ATAD5: variants seen among roughly 807,000 people sequenced by gnomAD.
The protein encoded by ATAD5 is ATPase family AAA domain-containing protein 5.
Under a neutral mutation model 176.9 loss-of-function variants are expected in ATAD5, and 58 were observed. The observed-to-expected ratio is 0.33, with a 90% CI of 0.27 to 0.41. The LOEUF is 0.41. Ranked by LOEUF, ATAD5 falls within the 10% of genes least tolerant of loss-of-function variation. ATAD5 has a pLI of 1.00. For synonymous variants in ATAD5, 640 were observed against 712.6 expected, an observed-to-expected ratio of 0.90 and a Z score of 1.62; for missense variants, 1,789 against 2,094.1, an observed-to-expected ratio of 0.85 and a Z score of 2.84.
At chr17:30,873,002 T>C (rs953264111) in intron 14 of ATAD5, among the ~76,000 whole-genome samples, 6 of 152,158 alleles carry the variant, frequency 3.9e-5, no homozygotes, top group African/African-American at 1.4e-4. Context: ...CTGTCCATTG[T>C]TGCATCATGA....
intron 18 of ATAD5, among the ~76,000 whole-genome samples, chr17:30,885,623 C>CTTTTTTTTTTTTTT (rs778733612): frequency 6.4e-5 from 6 of 93,810 alleles, no homozygotes; most frequent in Non-Finnish European, 8.1e-5. Context: ...TTCCAACTTT[C>CTTTTTTTTTTTTTT]TTTTTTTTTT....
chr17:30,846,754 C>T (rs1442651661), intron 6 of ATAD5, among the ~76,000 whole-genome samples: 1 of 143,624 alleles, frequency 7.0e-6, no homozygotes, highest in Non-Finnish European at 1.5e-5. Flanking sequence ...GAGTTTCGCT[C>T]TTGTTGCCCA....
Position 30,871,680 on chromosome 17 carries a change from A to G in ATAD5, c.3607+2034A>G, listed in dbSNP as rs184038154. Among the ~76,000 whole-genome samples, 298 of 151,996 alleles carry G rather than the reference A, an allele frequency of 2.0e-3. 1 individual carries two copies. Among genetic ancestry groups the G allele is most frequent in the Middle Eastern group, 0.01 (3 of 294 alleles). On this transcript the variant is annotated intron_variant, in intron 14 of 22. Transcript: ENST00000321990. ...GTGTCATTTCTGAGTTGTTTTTTCA[A>G]TTGATTGATTATTCCCTCTTTCATT...
At chr17:30,887,152 G>T in intron 18 of ATAD5, 40 bp from the exon 19 acceptor site, 1 of 1,491,964 alleles carries the variant, frequency 6.7e-7, no homozygotes, top group South Asian at 1.3e-5. Flanking sequence ...GTATCTATTT[G>T]AACTCAGCAG....
chr17:30,852,051 T>G (rs914027778), intron 6 of ATAD5, among the ~76,000 whole-genome samples: 1 of 152,220 alleles, frequency 6.6e-6, no homozygotes, highest in Non-Finnish European at 1.5e-5. Context: ...TCCAATGGAA[T>G]TAACCACATG....
chr17:30,883,955 T>C (rs1274473083), intron 18 of ATAD5, among the ~76,000 whole-genome samples: 1 of 152,128 alleles, frequency 6.6e-6, no homozygotes, highest in Non-Finnish European at 1.5e-5. Context: ...AAAATTTGCT[T>C]TTGGTAAAGA....
intron 18 of ATAD5, 130 bp downstream of exon 18, chr17:30,879,617 C>A: frequency 1.3e-6 from 1 of 783,464 alleles, no homozygotes; most frequent in Non-Finnish European, 1.9e-6. Context: ...GGCTGGAGTG[C>A]AGTGGCGCGA....
At chr17:30,859,653 A>T (rs1325143885) in intron 9 of ATAD5, among the ~76,000 whole-genome samples, 3 of 151,652 alleles carry the variant, frequency 2.0e-5, no homozygotes, top group Non-Finnish European at 4.4e-5. Flanking sequence ...GAGCCACCAT[A>T]CCTGGCCTAT....
intron 5 of ATAD5, among the ~76,000 whole-genome samples, chr17:30,844,625 G>GTA (rs1286210456): frequency 6.8e-6 from 1 of 146,954 alleles, no homozygotes; most frequent in Non-Finnish European, 1.5e-5. Context: ...GTAGGTACCC[G>GTA]TAGTTCCAGC....
At position 30,832,025 on chromosome 17, in the gene ATAD5, G is replaced by C. The variant is rs1305396589; in HGVS notation, c.-323G>C. On this transcript the variant is annotated 5_prime_UTR_variant, in exon 1 of 23. Transcript: ENST00000321990. ...AATTCCCTCCGAAGCTCTGTGGTCC[G>C]ATCTGCGGTCCGCTTGCTTTCCCTG... The C allele has an allele frequency of 1.4e-5, 5 of 370,114 alleles. No individual in the cohort carries two copies. The allele number at this position is 370,114 out of a possible 1,614,324, so 22.9% of individuals were successfully genotyped here.
chr17:30,834,591 A>G lies in ATAD5; in HGVS notation c.510A>G (p.Glu170=). 1.2e-6 allele frequency: 2 copies of G among 1,610,466 alleles called. No individual in the cohort carries two copies. Among genetic ancestry groups the G allele is most frequent in the Non-Finnish European group, 1.7e-6 (2 of 1,179,184 alleles). Reference sequence around the variant, plus strand: ...AGAAACAAGTAGAGGTACTTGCAGAAAACATTCAAGATACAAAAAGTCAAC... The same window carrying G: ...AGAAACAAGTAGAGGTACTTGCAGAGAACATTCAAGATACAAAAAGTCAAC... The part of the protein sequence containing the change: ...RYKKQVEVLA[E]NIQDTKSQPN... Residue 170 remains glutamate, a synonymous_variant, in exon 2 of 23, where the codon GAA becomes GAG. Transcript: ENST00000321990.
At chr17:30,840,575 A>G (rs764304177) in intron 3 of ATAD5, 42 bp from the exon 4 acceptor site, 6 of 1,282,332 alleles carry the variant, frequency 4.7e-6, no homozygotes, top group Non-Finnish European at 4.2e-6. Context: ...AATATAAAAT[A>G]TTTTCTTGTG....
rs963122856 is a variant in ATAD5, at chr17:30,895,387, TAC to T, written c.*476_*477del. ...CTAAAAGTTAAGGATCCTCATATTG[TAC>T]AGTTTTTTTTGTGTGCTTTTTTTTT... On this transcript the variant is annotated 3_prime_UTR_variant, in exon 23 of 23. Coordinates refer to ENST00000321990, the MANE Select transcript of ATAD5 (RefSeq NM_024857.5). 5 of 139,174 alleles carry T rather than the reference TAC, an allele frequency of 3.6e-5. No homozygotes were observed. Among genetic ancestry groups the T allele is most frequent in the African/African-American group, 1.2e-4 (5 of 40,970 alleles). 8.6% of individuals were successfully genotyped at this position (139,174 alleles called of 1,614,324 possible). A position where few individuals can be genotyped will look rare whatever the true frequency, so the allele number is the denominator to read the frequency against.
intron 7 of ATAD5, among the ~76,000 whole-genome samples, chr17:30,856,655 G>A (rs1297445666): frequency 1.3e-5 from 2 of 152,168 alleles, no homozygotes; most frequent in East Asian, 1.9e-4. Context: ...GGAATTACAG[G>A]CGTGAGCCAC....
chr17:30,842,319 G>A (rs181458364), intron 4 of ATAD5, among the ~76,000 whole-genome samples: 3 of 151,762 alleles, frequency 2.0e-5, no homozygotes, highest in Non-Finnish European at 4.4e-5. Context: ...ATAAAATAGT[G>A]AAAATAATGA....
At chr17:30,855,101 T>G in intron 6 of ATAD5, 42 bp from the exon 7 acceptor site, 1 of 1,500,208 alleles carries the variant, frequency 6.7e-7, no homozygotes, top group African/African-American at 1.4e-5. Flanking sequence ...CTTTAAATGT[T>G]TATAACCTTA....
chr17:30,834,970 G>C lies in ATAD5; in HGVS notation c.889G>C (p.Asp297His). 1 of 1,613,994 alleles carries C rather than the reference G, an allele frequency of 6.2e-7. No individual in the cohort carries two copies. The highest frequency in any genetic ancestry group is 2.2e-5 in the East Asian group (1 of 44,880). The change falls in exon 2 of 23, where the codon GAC (aspartate) becomes CAC (histidine). Residue 297 changes from aspartate to histidine, a missense_variant. Asp to His is a moderately conservative substitution (Grantham distance 81). This residue lies in a region of ATAD5 where 696 missense variants were observed against 712.5 expected (regional missense o/e 0.98). Coordinates refer to ENST00000321990, the MANE Select transcript of ATAD5 (RefSeq NM_024857.5). Reference sequence around the variant, plus strand: ...AATTTGTGTTCCTTCTGAAACTGTCGACGAAATAGTCAAAAGTGGTTATAT... The same window carrying C: ...AATTTGTGTTCCTTCTGAAACTGTCCACGAAATAGTCAAAAGTGGTTATAT... The part of the protein sequence containing the change: ...MSICVPSETV[D>H]EIVKSGYISE...
At position 30,894,054 on chromosome 17, in the gene ATAD5, G is replaced by C. The variant is rs146763824; in HGVS notation, c.5201G>C (p.Cys1734Ser). The change falls in exon 21 of 23, where the codon TGC becomes TCC. Residue 1734 changes from cysteine to serine, a missense_variant. Physicochemically the swap from Cys to Ser is moderately radical, Grantham distance 112. Around this residue, in one of 6 missense-constraint regions of ATAD5, gnomAD observed 403 missense variants for 495.1 expected, o/e 0.81. Coordinates refer to ENST00000321990, the MANE Select transcript of ATAD5 (RefSeq NM_024857.5). The part of the protein sequence containing the change: ...ISKALETLNS[C>S]KKLGRDPTND... ...AAAGCATTGGAAACCTTGAATTCTT[G>C]CAAGAAATTAGGAAGAGATCCAACC... 315 of 1,611,852 alleles carry C rather than the reference G, an allele frequency of 2.0e-4. 2 individuals carry two copies. Among genetic ancestry groups the C allele is most frequent in the Non-Finnish European group, 2.5e-4 (293 of 1,178,350 alleles).
At chr17:30,841,137 G>C (rs1328235830) in intron 4 of ATAD5, among the ~76,000 whole-genome samples, 1 of 151,942 alleles carries the variant, frequency 6.6e-6, no homozygotes, top group Non-Finnish European at 1.5e-5. Flanking sequence ...GGCCTCCCAA[G>C]TAGCTGAGAT....
Sources: allele counts gnomAD v4.1 joint callset (sites outside exome capture counted in the v4.1 genomes callset), GRCh38; gene constraint gnomAD v4.1.1; regional missense constraint gnomAD v4.1.1; transcripts MANE v1.5; gene names NCBI Gene and HGNC (gene_info 2026-07-23, HGNC 2026-07-21).